PCCA: variants seen among roughly 807,000 people sequenced by gnomAD.
PCCA encodes propionyl-CoA carboxylase subunit alpha.
In PCCA, 74 loss-of-function variants were observed where a neutral mutation model predicts 101.3. The ratio of observed to expected loss-of-function variants is 0.73; its 90% confidence interval spans 0.61 to 0.89. The LOEUF (loss-of-function observed/expected upper bound fraction) is 0.89. PCCA is among the 40% of genes least tolerant of loss of function. The pLI, the probability that PCCA is intolerant of heterozygous loss-of-function variation, is 0.00. For synonymous variants in PCCA, 294 were observed against 313.6 expected, an observed-to-expected ratio of 0.94 and a Z score of 0.66; for missense variants, 891 against 907.0, an observed-to-expected ratio of 0.98 and a Z score of 0.23.
chr13:100,283,071 G>C (rs898223480), intron 12 of PCCA, among the ~76,000 whole-genome samples: 4 of 152,010 alleles, frequency 2.6e-5, no homozygotes, highest in Non-Finnish European at 5.9e-5. Context: ...GCAGACCTGG[G>C]GAAGTTTTCA....
chr13:100,209,609 T>TA lies in PCCA; in HGVS notation c.600+152dup, dbSNP rs1232867663. ...GCACATACATACATGTATATATGTT[T>TA]AAAAAATCAGTGTTTTTACATTTAT... is the stretch of plus-strand genomic sequence containing the variant. On this transcript the variant is annotated intron_variant, in intron 7 of 23. Transcript: ENST00000376285. 28 of 647,178 alleles carry TA rather than the reference T, an allele frequency of 4.3e-5. No homozygotes were observed. In the East Asian group the frequency reaches 6.2e-4, roughly 14 times the overall value. The allele number at this position is 647,178 out of a possible 1,614,324, so 40.1% of individuals were successfully genotyped here. A position where few individuals can be genotyped will look rare whatever the true frequency, so the allele number is the denominator to read the frequency against.
At chr13:100,173,839 G>A (rs2055967153) in intron 6 of PCCA, among the ~76,000 whole-genome samples, 1 of 152,168 alleles carries the variant, frequency 6.6e-6, no homozygotes, top group Admixed American at 6.5e-5. Flanking sequence ...TAGTGAATCA[G>A]TTTCATGAAA....
At chr13:100,103,601 C>T (rs939024299) in intron 2 of PCCA, among the ~76,000 whole-genome samples, 11 of 145,706 alleles carry the variant, frequency 7.5e-5, no homozygotes, top group African/African-American at 1.3e-4. Context: ...CATGAGCCAC[C>T]GTGCACCTGG....
At chr13:100,428,392 C>G (rs1192519551) in intron 20 of PCCA, among the ~76,000 whole-genome samples, 4 of 132,264 alleles carry the variant, frequency 3.0e-5, no homozygotes, top group East Asian at 2.3e-4. Context: ...GATTTAAATC[C>G]GAGCAGTCTT....
chr13:100,151,006 G>C, intron 4 of PCCA: 8 of 1,534,074 alleles, frequency 5.2e-6, no homozygotes, highest in Non-Finnish European at 7.2e-6. Flanking sequence ...AGAGCTGGCG[G>C]TACTGCCAGC....
chr13:100,470,791 G>A (rs563115227), intron 21 of PCCA, among the ~76,000 whole-genome samples: 8 of 152,220 alleles, frequency 5.3e-5, no homozygotes, highest in African/African-American at 1.9e-4. Flanking sequence ...CCCGGGAGGC[G>A]GAGGTTGCAG....
intron 8 of PCCA, among the ~76,000 whole-genome samples, chr13:100,249,176 C>G (rs2061618073): frequency 6.6e-6 from 1 of 152,094 alleles, no homozygotes; most frequent in East Asian, 1.9e-4. Flanking sequence ...ATTGCTAAAC[C>G]AAAGTCACCT....
intron 7 of PCCA, among the ~76,000 whole-genome samples, chr13:100,232,160 C>G (rs1566759251): frequency 6.6e-6 from 1 of 152,190 alleles, no homozygotes; most frequent in Non-Finnish European, 1.5e-5. Context: ...CCACGCCGTC[C>G]ATACCTCCTT....
chr13:100,515,671 C>G, intron 22 of PCCA, 104 bp downstream of exon 22: 1 of 1,391,846 alleles, frequency 7.2e-7, no homozygotes, highest in Non-Finnish European at 1.0e-6. Context: ...GCAGTTCTTA[C>G]TTAACCGACG....
intron 6 of PCCA, among the ~76,000 whole-genome samples, chr13:100,185,003 C>T (rs982835786): frequency 3.0e-4 from 45 of 152,110 alleles, no homozygotes; most frequent in African/African-American, 8.4e-4. Flanking sequence ...ACATATATAC[C>T]GAAAAATGCA....
In PCCA at chr13:100,127,709, A is replaced by G. The variant is rs188845589; in HGVS notation, c.300+15648A>G. On this transcript the variant is annotated intron_variant, in intron 4 of 23. Transcript: ENST00000376285. ...AGATCGAGACCATCCTGGCTAACAC[A>G]GTGAAACCCCGTCTCTACTAAAAAT... is the stretch of plus-strand genomic sequence containing the variant. Among the ~76,000 whole-genome samples the G allele has an allele frequency of 2.3e-3, 355 of 151,528 alleles. 1 individual carries two copies. Among genetic ancestry groups the G allele is most frequent in the Non-Finnish European group, 4.2e-3 (287 of 67,814 alleles).
chr13:100,292,405 A>G (rs964085904), intron 12 of PCCA, among the ~76,000 whole-genome samples: 2 of 152,212 alleles, frequency 1.3e-5, no homozygotes, highest in African/African-American at 2.4e-5. Context: ...CATTAGTAAA[A>G]TGACATTAAT....
intron 19 of PCCA, among the ~76,000 whole-genome samples, chr13:100,371,297 C>T (rs1023470315): frequency 6.6e-6 from 1 of 152,086 alleles, no homozygotes; most frequent in South Asian, 2.1e-4. Context: ...TTAGGCAAAG[C>T]AATTTCATTT....
rs541176874 is a variant in PCCA at position 100,192,005 on chromosome 13, G to C, written c.469-17327G>C. Among the ~76,000 whole-genome samples, 3 of 152,296 alleles carry C rather than the reference G, an allele frequency of 2.0e-5. No individual in the cohort carries two copies. The East Asian group carries it at 5.8e-4, about 29-fold the overall frequency. On this transcript the variant is annotated intron_variant, in intron 6 of 23. Transcript: ENST00000376285. ...AAGACAAATCTCAGGTGATCTGAAC[G>C]TGTTAAATTGTAAGAGTACTTAATG...
At chr13:100,471,739 A>G (rs1303400278) in intron 21 of PCCA, among the ~76,000 whole-genome samples, 1 of 152,252 alleles carries the variant, frequency 6.6e-6, no homozygotes, top group Non-Finnish European at 1.5e-5. Flanking sequence ...ATGAACTAAC[A>G]TAAGTACATG....
At chr13:100,264,990 G>T (rs1228464799) in intron 10 of PCCA, among the ~76,000 whole-genome samples, 1 of 152,180 alleles carries the variant, frequency 6.6e-6, no homozygotes, top group Non-Finnish European at 1.5e-5. Context: ...CTTATTTTGT[G>T]AAGTGACTTC....
At chr13:100,392,399 A>G (rs1437806424) in intron 19 of PCCA, among the ~76,000 whole-genome samples, 3 of 152,220 alleles carry the variant, frequency 2.0e-5, no homozygotes, top group Non-Finnish European at 4.4e-5. Context: ...AATTCAGTCA[A>G]TGTGTTTGCT....
At chr13:100,295,472 AT>A (rs1566884468) in intron 12 of PCCA, among the ~76,000 whole-genome samples, 1 of 152,262 alleles carries the variant, frequency 6.6e-6, no homozygotes, top group Non-Finnish European at 1.5e-5. Flanking sequence ...GATATATTGA[AT>A]AAAAATGTCA....
rs983990839 is a variant in PCCA, at chr13:100,394,994, T to C, written c.1746+26420T>C. On this transcript the variant is annotated intron_variant, in intron 19 of 23. Coordinates refer to ENST00000376285, the MANE Select transcript of PCCA (RefSeq NM_000282.4). The surrounding 1 kb of genome is among the most constrained non-coding windows in gnomAD (Gnocchi z 4.3). ...CTCCCAGAATCCCGTTCATGCATTG[T>C]GTTTAGGATGAAATGCTTGAGGGGG... 1.8e-4 allele frequency among the ~76,000 whole-genome samples: 27 copies of C among 152,212 alleles called. No individual in the cohort carries two copies. The highest frequency in any genetic ancestry group is 5.8e-4 in the African/African-American group (24 of 41,456).
Sources: gnomAD v4.1 joint callset for allele counts (sites outside exome capture counted in the v4.1 genomes callset) on GRCh38, gnomAD v4.1.1 for gene constraint, Gnocchi (gnomAD v3.1) non-coding constraint, MANE v1.5 for transcripts, NCBI Gene and HGNC (gene_info 2026-07-23, HGNC 2026-07-21) for gene names.